AGAP1: variants seen among roughly 807,000 people sequenced by gnomAD.
The protein encoded by AGAP1 is ArfGAP with GTPase domain, ankyrin repeat and PH domain 1.
A neutral mutation model predicts 105.3 loss-of-function variants in AGAP1; 29 were observed. The observed-to-expected ratio is 0.28, with a 90% CI of 0.21 to 0.38. The LOEUF (loss-of-function observed/expected upper bound fraction) is 0.38, where lower values mean the gene tolerates loss of function less well. AGAP1 is among the 10% of genes least tolerant of loss of function. The pLI is 1.00. For synonymous variants in AGAP1, 509 were observed against 485.9 expected (o/e 1.05, Z -0.63); for missense variants, 998 against 1,165.1 (o/e 0.86, Z 2.09).
chr2:235,686,651 A>C (rs1361159736), intron 1 of AGAP1, among the ~76,000 whole-genome samples: 2 of 38,240 alleles, frequency 5.2e-5, no homozygotes, highest in Admixed American at 3.2e-4. Context: ...ATATAGATAT[A>C]TATATATATA....
chr2:236,120,419 A>G lies in AGAP1; in HGVS notation c.2342A>G (p.Asn781Ser), dbSNP rs1274040189. 5.0e-6 allele frequency: 8 copies of G among 1,611,364 alleles called. No homozygotes were observed. Among genetic ancestry groups the G allele is most frequent in the African/African-American group, 4.0e-5 (3 of 74,894 alleles). Reference protein sequence around the residue: ...TALHLACRKGNVVLAQLLIWY... With the variant: ...TALHLACRKGSVVLAQLLIWY... ...CTGCATCTGGCCTGCCGCAAGGGGA[A>G]TGTGGTCCTGGCGCAGCTCCTGATC... Residue 781 changes from asparagine (N) to serine (S), a missense_variant, in exon 17 of 18, where the codon AAT becomes AGT. Coordinates refer to ENST00000304032, the MANE Select transcript of AGAP1 (RefSeq NM_001037131.3). This position sits in a 1 kb window ranked among gnomAD's most constrained non-coding sequence, Gnocchi z 6.0.
At chr2:235,991,678 A>G (rs2055569673) in intron 13 of AGAP1, among the ~76,000 whole-genome samples, 1 of 152,214 alleles carries the variant, frequency 6.6e-6, no homozygotes, top group African/African-American at 2.4e-5. Context: ...CGTTCTTTCT[A>G]AGGCTCTTAA....
At chr2:235,710,917 A>G (rs148680654) in intron 2 of AGAP1, among the ~76,000 whole-genome samples, 1 of 152,312 alleles carries the variant, frequency 6.6e-6, no homozygotes, top group Non-Finnish European at 1.5e-5. Context: ...GCTTTACAAA[A>G]TTACTTAATC....
At chr2:235,589,450 G>A (rs1261204167) in intron 1 of AGAP1, among the ~76,000 whole-genome samples, 1 of 151,878 alleles carries the variant, frequency 6.6e-6, no homozygotes, top group East Asian at 1.9e-4. Flanking sequence ...CAGGTGATCC[G>A]CCCACCTTGG....
In AGAP1 at chr2:235,931,710, C is replaced by T. The variant is rs1339836631; in HGVS notation, c.1483+787C>T. On this transcript the variant is annotated intron_variant, in intron 12 of 17. Coordinates refer to ENST00000304032, the MANE Select transcript of AGAP1 (RefSeq NM_001037131.3). The surrounding 1 kb of genome is among the most constrained non-coding windows in gnomAD (Gnocchi z 5.6). ...TTAAAAGATTCAGCATCAGGTCTTCCCTGTAGACCCACCAGCTGCTGCAGC... is the reference window on the plus strand; with the variant it reads ...TTAAAAGATTCAGCATCAGGTCTTCTCTGTAGACCCACCAGCTGCTGCAGC... Among the ~76,000 whole-genome samples the T allele has an allele frequency of 5.9e-5, 9 of 151,900 alleles. No individual in the cohort carries two copies. Among genetic ancestry groups the T allele is most frequent in the Admixed American group, 5.9e-4 (9 of 15,260 alleles).
Position 235,799,015 on chromosome 2 carries a change from G to A in AGAP1, c.802-352G>A, listed in dbSNP as rs756894041. Among the ~76,000 whole-genome samples, 1 of 152,168 alleles carries A rather than the reference G, an allele frequency of 6.6e-6. No homozygotes were observed. The highest frequency in any genetic ancestry group is 1.5e-5 in the Non-Finnish European group (1 of 68,038). The stretch of plus-strand genomic sequence containing the variant: ...TGTGGTTCTGCTGATCTAGAGCAGT[G>A]GAGGGACCATAGAATCCCTTTAGTT... On this transcript the variant is annotated intron_variant, in intron 7 of 17. Coordinates refer to ENST00000304032, the MANE Select transcript of AGAP1 (RefSeq NM_001037131.3). This position sits in a 1 kb window ranked among gnomAD's most constrained non-coding sequence, Gnocchi z 5.0.
rs562394406 is a variant in AGAP1 at position 235,516,499 on chromosome 2, T to G, written c.163+21650T>G. 5.9e-5 allele frequency among the ~76,000 whole-genome samples: 9 copies of G among 152,252 alleles called. No individual in the cohort carries two copies. In the East Asian group the frequency reaches 7.7e-4, roughly 13 times the overall value. ...CTAGCTGTGTGCTTTCAGGAAAGCC[T>G]TTTGAATTTGGAGCCTCTGTTTCCT... On this transcript the variant is annotated intron_variant, in intron 1 of 17. Transcript: ENST00000304032.
chr2:235,752,828 C>A lies in AGAP1; in HGVS notation c.673+2340C>A, dbSNP rs1953563802. Among the ~76,000 whole-genome samples, 1 of 152,190 alleles carries A rather than the reference C, an allele frequency of 6.6e-6. No homozygotes were observed. Among genetic ancestry groups the A allele is most frequent in the South Asian group, 2.1e-4 (1 of 4,826 alleles). ...ATGATGCTGCCTTCCTGCCAAACAG[C>A]CTTTGTACGTTCTGGCTGCTCTAAC... On this transcript the variant is annotated intron_variant, in intron 6 of 17. Coordinates refer to ENST00000304032, the MANE Select transcript of AGAP1 (RefSeq NM_001037131.3). This position sits in a 1 kb window ranked among gnomAD's most constrained non-coding sequence, Gnocchi z 4.3.
intron 1 of AGAP1, among the ~76,000 whole-genome samples, chr2:235,579,958 G>T (rs1389898592): frequency 1.3e-5 from 2 of 152,108 alleles, no homozygotes; most frequent in South Asian, 4.2e-4. Flanking sequence ...GTTTCTGTGG[G>T]TTTGCCCATT....
intron 1 of AGAP1, among the ~76,000 whole-genome samples, chr2:235,706,779 A>G (rs1215897440): frequency 1.3e-5 from 2 of 152,174 alleles, no homozygotes; most frequent in Non-Finnish European, 1.5e-5. Flanking sequence ...GCCAGACACT[A>G]TTGGGGCCTG....
In AGAP1 at chr2:236,038,398, A is replaced by G. The variant is rs2057445994; in HGVS notation, c.1800+1683A>G. Among the ~76,000 whole-genome samples, 1 of 152,284 alleles carries G rather than the reference A, an allele frequency of 6.6e-6. No individual in the cohort carries two copies. Among genetic ancestry groups the G allele is most frequent in the Admixed American group, 6.5e-5 (1 of 15,298 alleles). On this transcript the variant is annotated intron_variant, in intron 14 of 17. Transcript: ENST00000304032. This position sits in a 1 kb window ranked among gnomAD's most constrained non-coding sequence, Gnocchi z 4.5. ...TGCCACCTCGACCTAATTCAGGAAG[A>G]TCTGGGATGGTGGCAGCCTTTCCCA...
At position 235,830,093 on chromosome 2, in the gene AGAP1, T is replaced by C. The variant is rs777268459; in HGVS notation, c.1050+22762T>C. 6.6e-6 allele frequency among the ~76,000 whole-genome samples: 1 copy of C among 152,052 alleles called. No homozygotes were observed. Among genetic ancestry groups the C allele is most frequent in the South Asian group, 2.1e-4 (1 of 4,812 alleles). ...CTTTGGCGGCTGGCTGATGGAGTCG[T>C]TCTCATTTGTGAAGACACTGTCCAG... On this transcript the variant is annotated intron_variant, in intron 9 of 17. Coordinates refer to ENST00000304032, the MANE Select transcript of AGAP1 (RefSeq NM_001037131.3). The surrounding 1 kb of genome is among the most constrained non-coding windows in gnomAD (Gnocchi z 5.5).
At chr2:235,512,252 C>T (rs568435055) in intron 1 of AGAP1, among the ~76,000 whole-genome samples, 10 of 152,246 alleles carry the variant, frequency 6.6e-5, no homozygotes, top group Non-Finnish European at 1.2e-4. Context: ...TGTTTTTTAA[C>T]TTTCAGGGGA....
At position 236,051,792 on chromosome 2, in the gene AGAP1, T is replaced by C. The variant is rs2057907229; in HGVS notation, c.2114+2511T>C. Among the ~76,000 whole-genome samples, 1 of 152,170 alleles carries C rather than the reference T, an allele frequency of 6.6e-6. No individual in the cohort carries two copies. Among genetic ancestry groups the C allele is most frequent in the Admixed American group, 6.5e-5 (1 of 15,288 alleles). Reference sequence around the variant, plus strand: ...GACTAAAGGCAGCCAGCAAGGTCTGTGTCCCTTCCCGCTGGAAGGCCAGGG... The same window carrying C: ...GACTAAAGGCAGCCAGCAAGGTCTGCGTCCCTTCCCGCTGGAAGGCCAGGG... On this transcript the variant is annotated intron_variant, in intron 16 of 17. Coordinates refer to ENST00000304032, the MANE Select transcript of AGAP1 (RefSeq NM_001037131.3). This position sits in a 1 kb window ranked among gnomAD's most constrained non-coding sequence, Gnocchi z 5.9.
chr2:235,746,380 T>C (rs1952946078), intron 5 of AGAP1, among the ~76,000 whole-genome samples: 1 of 35,032 alleles, frequency 2.9e-5, no homozygotes, highest in African/African-American at 7.8e-5. Context: ...CCCCCAACTT[T>C]TTTTTTTTTT....
At chr2:235,573,970 A>G (rs1192737311) in intron 1 of AGAP1, among the ~76,000 whole-genome samples, 1 of 152,162 alleles carries the variant, frequency 6.6e-6, no homozygotes, top group Non-Finnish European at 1.5e-5. Context: ...CTGTCGCACA[A>G]CCTTTTTATT....
chr2:235,703,927 T>C (rs752813884), intron 1 of AGAP1, among the ~76,000 whole-genome samples: 1 of 152,140 alleles, frequency 6.6e-6, no homozygotes, highest in Non-Finnish European at 1.5e-5. Flanking sequence ...TCCACGCCCC[T>C]TGGCCTCCAA....
chr2:235,688,805 T>C (rs990272320), intron 1 of AGAP1, among the ~76,000 whole-genome samples: 2 of 152,312 alleles, frequency 1.3e-5, no homozygotes, highest in Admixed American at 1.3e-4. Flanking sequence ...GTCAGTGGCA[T>C]GACTAGGCCT....
intron 1 of AGAP1, among the ~76,000 whole-genome samples, chr2:235,529,862 G>T (rs111279507): frequency 8.5e-5 from 13 of 152,298 alleles, no homozygotes; most frequent in African/African-American, 2.4e-4. Context: ...ACGAGAATTG[G>T]GCTGGGCAAA....
Sources: gnomAD v4.1 joint callset for allele counts (sites outside exome capture counted in the v4.1 genomes callset) on GRCh38, gnomAD v4.1.1 for gene constraint, Gnocchi (gnomAD v3.1) non-coding constraint, MANE v1.5 for transcripts, NCBI Gene and HGNC (gene_info 2026-07-23, HGNC 2026-07-21) for gene names.